OR4K1: variants seen among roughly 807,000 people sequenced by gnomAD.
OR4K1 encodes the protein olfactory receptor family 4 subfamily K member 1, also known as olfactory receptor 4K1.
OR4K1 carries 16 observed loss-of-function variants against 14.4 expected under a neutral mutation model. That is an observed-to-expected ratio of 1.11 (90% CI 0.75 to 1.68). The LOEUF (loss-of-function observed/expected upper bound fraction) is 1.68. Among genes scored for constraint, OR4K1 ranks in the 40% most tolerant of loss-of-function variants. The pLI is 0.00. For missense variants in OR4K1, 548 were observed against 376.9 expected (o/e 1.45, Z -3.76); for synonymous variants, 181 against 133.1 (o/e 1.36, Z -2.48).
upstream of OR4K1, among the ~76,000 whole-genome samples, chr14:19,926,650 C>T (rs950128867): frequency 1.3e-5 from 2 of 152,212 alleles, no homozygotes; most frequent in Non-Finnish European, 2.9e-5. Flanking sequence ...AAAACTGCTT[C>T]ATAAATACTA....
Position 19,936,268 on chromosome 14 carries a change from C to A in OR4K1, c.602C>A (p.Thr201Lys), listed in dbSNP as rs200761942. 2 of 1,614,206 alleles carry A rather than the reference C, an allele frequency of 1.2e-6. No individual in the cohort carries two copies. The highest frequency in any genetic ancestry group is 1.7e-6 in the Non-Finnish European group (2 of 1,180,026). The change falls in exon 2 of 2, where the codon ACG (threonine) becomes AAG (lysine). Residue 201 changes from threonine (T) to lysine (K), a missense_variant. Physicochemically the swap from Thr to Lys is moderately conservative, Grantham distance 78 (BLOSUM62 -1). Coordinates refer to ENST00000641172, the MANE Select transcript of OR4K1 (RefSeq NM_001004063.3). ...TATGAAATGGAAATTATGACCCTAA[C>A]GAACAGTGGCCTGATATCATTGAGC... is the stretch of plus-strand genomic sequence containing the variant. Reference protein sequence around the residue: ...DTYEMEIMTLTNSGLISLSCF... With the variant: ...DTYEMEIMTLKNSGLISLSCF...
At chr14:19,926,564 T>C (rs1390332565), upstream of OR4K1, among the ~76,000 whole-genome samples, 1 of 152,260 alleles carries the variant, frequency 6.6e-6, no homozygotes, top group Non-Finnish European at 1.5e-5. Flanking sequence ...AAATACACAT[T>C]ATTTTGTTTT....
At chr14:19,922,503 C>T in the OR4K1 span, among the ~76,000 whole-genome samples, 1 of 152,188 alleles carries the variant, frequency 6.6e-6, no homozygotes, top group African/African-American at 2.4e-5. Context: ...ATATTCTCTC[C>T]AAAGAGTTCT....
chr14:19,925,965 G>A (rs1761912261), upstream of OR4K1, among the ~76,000 whole-genome samples: 1 of 152,264 alleles, frequency 6.6e-6, no homozygotes, highest in Non-Finnish European at 1.5e-5. Flanking sequence ...GCACTTCAGG[G>A]TGGTCTTTAG....
At chr14:19,924,349 G>A in the OR4K1 span, among the ~76,000 whole-genome samples, 17 of 131,808 alleles carry the variant, frequency 1.3e-4, no homozygotes, top group Admixed American at 9.2e-4. Context: ...GTGGTGAGCC[G>A]AGATCGCGCC....
At chr14:19,928,866 A>G (rs1201515445), upstream of OR4K1, among the ~76,000 whole-genome samples, 1 of 152,098 alleles carries the variant, frequency 6.6e-6, no homozygotes, top group Non-Finnish European at 1.5e-5. Flanking sequence ...AATTACTAAT[A>G]ATATTTTGAT....
chr14:19,923,097 G>T, the OR4K1 span, among the ~76,000 whole-genome samples: 2 of 152,120 alleles, frequency 1.3e-5, no homozygotes, highest in Non-Finnish European at 2.9e-5. Flanking sequence ...GTACATTTTG[G>T]GAGCTAGGCA....
chr14:19,923,800 A>C, the OR4K1 span, among the ~76,000 whole-genome samples: 2 of 152,354 alleles, frequency 1.3e-5, no homozygotes, highest in East Asian at 3.9e-4. Context: ...AAAAGATGTC[A>C]GTTCTCTCTT....
upstream of OR4K1, among the ~76,000 whole-genome samples, chr14:19,926,390 C>A (rs1284396214): frequency 6.6e-6 from 1 of 152,222 alleles, no homozygotes; most frequent in Non-Finnish European, 1.5e-5. Flanking sequence ...TATAGAACAT[C>A]ATTTTAGTCA....
upstream of OR4K1, among the ~76,000 whole-genome samples, chr14:19,930,086 G>A (rs1225326903): frequency 2.0e-5 from 3 of 152,034 alleles, no homozygotes; most frequent in Admixed American, 6.6e-5. Flanking sequence ...ATTATTGAAT[G>A]TATTTCATCA....
At chr14:19,927,194 T>G (rs1470853423), upstream of OR4K1, among the ~76,000 whole-genome samples, 4 of 152,386 alleles carry the variant, frequency 2.6e-5, no homozygotes, top group East Asian at 7.7e-4. Context: ...CTCAATATTA[T>G]GGCCTCATGA....
At chr14:19,933,742 G>T (rs1882238836) in intron 1 of OR4K1, among the ~76,000 whole-genome samples, 1 of 152,092 alleles carries the variant, frequency 6.6e-6, no homozygotes, top group Admixed American at 6.5e-5. Context: ...ACAAGTGTGT[G>T]CCACCACACT....
chr14:19,920,666 T>A, the OR4K1 span: 1 of 1,613,944 alleles, frequency 6.2e-7, no homozygotes, highest in East Asian at 2.2e-5. Flanking sequence ...TCTGTAGTTC[T>A]CAAAAACTCC....
At chr14:19,923,329 G>T in the OR4K1 span, among the ~76,000 whole-genome samples, 1 of 152,174 alleles carries the variant, frequency 6.6e-6, no homozygotes, top group African/African-American at 2.4e-5. Context: ...AATAAATCTT[G>T]ATGTCTGATA....
At chr14:19,922,792 G>C in the OR4K1 span, among the ~76,000 whole-genome samples, 1 of 152,128 alleles carries the variant, frequency 6.6e-6, no homozygotes, top group African/African-American at 2.4e-5. Flanking sequence ...TCTCCCCTGT[G>C]ATCTTAACCC....
At chr14:19,926,574 T>C (rs2138584506), upstream of OR4K1, among the ~76,000 whole-genome samples, 1 of 152,392 alleles carries the variant, frequency 6.6e-6, no homozygotes, top group South Asian at 2.1e-4. Context: ...TATTTTGTTT[T>C]ATATTCTTTA....
At chr14:19,928,620 AC>A (rs1566500391), upstream of OR4K1, among the ~76,000 whole-genome samples, 1 of 152,124 alleles carries the variant, frequency 6.6e-6, no homozygotes, top group Non-Finnish European at 1.5e-5. Flanking sequence ...TTAAAATGTT[AC>A]CTGTTTTCTA....
At chr14:19,935,581 T>C (rs1284822064) in intron 1 of OR4K1, 67 bp from the exon 2 acceptor site, 2 of 1,172,904 alleles carry the variant, frequency 1.7e-6, no homozygotes, top group Non-Finnish European at 2.4e-6. Context: ...CTATATTTCT[T>C]TTGTTTATAA....
At chr14:19,932,179 T>C (rs990352427) in intron 1 of OR4K1, among the ~76,000 whole-genome samples, 18 of 152,230 alleles carry the variant, frequency 1.2e-4, no homozygotes, top group African/African-American at 2.4e-5. Flanking sequence ...AAAGATATAA[T>C]TTGTGGGAAA....
Sources: allele counts gnomAD v4.1 joint callset (sites outside exome capture counted in the v4.1 genomes callset), GRCh38; gene constraint gnomAD v4.1.1; transcripts MANE v1.5; gene names NCBI Gene and HGNC (gene_info 2026-07-23, HGNC 2026-07-21).